The following PLEKHA2 variants were observed in gnomAD, a reference collection of about 807,000 sequenced individuals.
The protein encoded by PLEKHA2 is pleckstrin homology domain-containing family A member 2.
A neutral mutation model predicts 53.2 loss-of-function variants in PLEKHA2; 28 were observed. The ratio of observed to expected loss-of-function variants is 0.53; its 90% CI spans 0.39 to 0.72. The LOEUF (loss-of-function observed/expected upper bound fraction) is 0.72, where lower values mean the gene tolerates loss of function less well. Ranked by LOEUF, PLEKHA2 falls within the 30% of genes least tolerant of loss-of-function variation. PLEKHA2 has a pLI of 0.00. For synonymous variants in PLEKHA2, 193 were observed against 196.4 expected (o/e 0.98, Z 0.14); for missense variants, 426 against 537.9 (o/e 0.79, Z 2.06).
At chr8:38,943,585 G>C (rs1377480702) in intron 3 of PLEKHA2, among the ~76,000 whole-genome samples, 1 of 152,094 alleles carries the variant, frequency 6.6e-6, no homozygotes, top group African/African-American at 2.4e-5. Flanking sequence ...TCAGGGAGGG[G>C]CACACAGGGC....
At chr8:38,952,765 A>T in intron 8 of PLEKHA2, 61 bp downstream of exon 8, 4 of 1,525,336 alleles carry the variant, frequency 2.6e-6, no homozygotes, top group East Asian at 2.3e-5. Flanking sequence ...GCATAGGTGC[A>T]CACCCACAGG....
At chr8:38,939,443 T>C (rs940299990) in intron 3 of PLEKHA2, among the ~76,000 whole-genome samples, 9 of 152,216 alleles carry the variant, frequency 5.9e-5, no homozygotes, top group African/African-American at 2.2e-4. Context: ...GGTAAGCCAT[T>C]AGGCATGAGG....
intron 6 of PLEKHA2, among the ~76,000 whole-genome samples, chr8:38,951,598 C>T (rs1001185011): frequency 1.3e-5 from 2 of 151,324 alleles, no homozygotes; most frequent in Non-Finnish European, 2.9e-5. Context: ...CTGCCTCAGC[C>T]TTCCTAGGCT....
chr8:38,902,554 G>T (rs554330847), intron 1 of PLEKHA2, among the ~76,000 whole-genome samples: 4 of 152,338 alleles, frequency 2.6e-5, no homozygotes, highest in African/African-American at 9.6e-5. Context: ...GGCTCTGAAG[G>T]CTGAGCTGTA....
chr8:38,925,571 A>C (rs1043759041), intron 2 of PLEKHA2, among the ~76,000 whole-genome samples: 2 of 152,222 alleles, frequency 1.3e-5, no homozygotes, highest in Non-Finnish European at 2.9e-5. Flanking sequence ...TGGATCATCA[A>C]ATAACCAAAA....
chr8:38,950,381 C>G (rs1193138911), intron 5 of PLEKHA2, among the ~76,000 whole-genome samples: 1 of 152,322 alleles, frequency 6.6e-6, no homozygotes, highest in Middle Eastern at 3.4e-3. Context: ...GTCTCCCTGC[C>G]TTCTCCTCTA....
At chr8:38,920,958 G>A (rs1407143707) in intron 2 of PLEKHA2, among the ~76,000 whole-genome samples, 4 of 151,974 alleles carry the variant, frequency 2.6e-5, no homozygotes, top group African/African-American at 4.8e-5. Context: ...CAGCCACCAC[G>A]CCCAGCTAAT....
chr8:38,942,504 C>T (rs1054858830), intron 3 of PLEKHA2, among the ~76,000 whole-genome samples: 31 of 152,282 alleles, frequency 2.0e-4, no homozygotes, highest in Non-Finnish European at 3.4e-4. Flanking sequence ...TCCTGGATCC[C>T]CTAGGTGGAG....
intron 2 of PLEKHA2, among the ~76,000 whole-genome samples, chr8:38,933,790 A>AGAAAAAAAAAAAAAAAAAAAAG (rs1554557184): frequency 4.4e-5 from 4 of 90,660 alleles, no homozygotes; most frequent in Non-Finnish European, 9.8e-5. Flanking sequence ...AAAAAAAAAA[A>AGAAAAAAAAAAAAAAAAAAAAG]AAAAGAAAAG....
At chr8:38,923,522 C>A (rs11782824) in intron 2 of PLEKHA2, among the ~76,000 whole-genome samples, 83,942 of 152,040 alleles carry the variant, frequency 0.55, 23,243 homozygotes, top group African/African-American at 0.58. Flanking sequence ...GTGATCCTTA[C>A]GTGCCTTTTA....
chr8:38,973,367 G>C lies in PLEKHA2; in HGVS notation c.*3584G>C, dbSNP rs766012712. The C allele has an allele frequency of 3.3e-5, 5 of 151,612 alleles. No individual in the cohort carries two copies. Among genetic ancestry groups the C allele is most frequent in the Non-Finnish European group, 7.4e-5 (5 of 67,932 alleles). 9.4% of individuals were successfully genotyped at this position (151,612 alleles called of 1,614,324 possible). A position where few individuals can be genotyped will look rare whatever the true frequency, so the allele number is the denominator to read the frequency against. The stretch of plus-strand genomic sequence containing the variant: ...CAAATTTTTTTTCTTTTATATTTCT[G>C]AATATAAATATACTCTTATATGGGC... On this transcript the variant is annotated 3_prime_UTR_variant, in exon 12 of 12. Coordinates refer to ENST00000617275, the MANE Select transcript of PLEKHA2 (RefSeq NM_021623.2).
chr8:38,928,984 G>T (rs892841209), intron 2 of PLEKHA2, among the ~76,000 whole-genome samples: 2 of 152,132 alleles, frequency 1.3e-5, no homozygotes, highest in Admixed American at 6.5e-5. Context: ...TGGAATGTGG[G>T]GCAGCGGCAG....
At chr8:38,932,265 G>C (rs1834407497) in intron 2 of PLEKHA2, among the ~76,000 whole-genome samples, 1 of 152,178 alleles carries the variant, frequency 6.6e-6, no homozygotes, top group Admixed American at 6.5e-5. Flanking sequence ...CCAGGTGTTG[G>C]GATTACAGGT....
intron 5 of PLEKHA2, among the ~76,000 whole-genome samples, chr8:38,949,171 G>A (rs1834776769): frequency 1.3e-5 from 2 of 151,490 alleles, no homozygotes; most frequent in Admixed American, 6.6e-5. Flanking sequence ...GTGCCTGGCC[G>A]ACATTCAGCT....
At chr8:38,952,083 A>G (rs1834853945) in intron 6 of PLEKHA2, 83 bp from the exon 7 acceptor site, 2 of 1,474,792 alleles carry the variant, frequency 1.4e-6, no homozygotes, top group Admixed American at 4.0e-5. Flanking sequence ...CAAAGAGGCC[A>G]GAGATTCAGG....
In PLEKHA2 at chr8:38,914,812, C is replaced by G. The variant is rs141301661; in HGVS notation, c.-23-3095C>G. 3.4e-3 allele frequency among the ~76,000 whole-genome samples: 517 copies of G among 152,346 alleles called. 2 individuals are homozygous for G. Among genetic ancestry groups the G allele is most frequent in the Middle Eastern group, 6.8e-3 (2 of 294 alleles). ...CTCTCAGAGAGGCCTAAGAAAATTG[C>G]AACAAGAGCAGAGGTTGGCTGGTTT... On this transcript the variant is annotated intron_variant, in intron 1 of 11. Coordinates refer to ENST00000617275, the MANE Select transcript of PLEKHA2 (RefSeq NM_021623.2).
chr8:38,966,628 T>C (rs1185603303), intron 10 of PLEKHA2, among the ~76,000 whole-genome samples: 1 of 152,160 alleles, frequency 6.6e-6, no homozygotes, highest in East Asian at 1.9e-4. Context: ...GTTTCCTCCC[T>C]TTTTTCATAG....
At chr8:38,966,069 C>T (rs367662137) in intron 10 of PLEKHA2, among the ~76,000 whole-genome samples, 3 of 152,068 alleles carry the variant, frequency 2.0e-5, no homozygotes, top group African/African-American at 4.8e-5. Context: ...GGGGAGACAG[C>T]GCTAGTAAGT....
At chr8:38,937,284 C>G (rs1390352828) in intron 3 of PLEKHA2, among the ~76,000 whole-genome samples, 4 of 152,134 alleles carry the variant, frequency 2.6e-5, no homozygotes, top group Non-Finnish European at 5.9e-5. Context: ...TTTGTGCATG[C>G]CTTGTGGTGA....
Sources: allele counts gnomAD v4.1 joint callset (sites outside exome capture counted in the v4.1 genomes callset), GRCh38; gene constraint gnomAD v4.1.1; transcripts MANE v1.5; gene names NCBI Gene and HGNC (gene_info 2026-07-23, HGNC 2026-07-21).